Variants in CRLF3 observed in about 807,000 individuals in gnomAD.
CRLF3 encodes cytokine receptor like factor 3.
Under a neutral mutation model 55.0 loss-of-function variants are expected in CRLF3, and 33 were observed. That is an observed-to-expected ratio of 0.60 (90% CI 0.46 to 0.80). The LOEUF is 0.80. Ranked by LOEUF, CRLF3 falls within the 30% of genes least tolerant of loss-of-function variation. The pLI is 0.00. For missense variants in CRLF3, 494 were observed against 538.4 expected (o/e 0.92, Z 0.82); for synonymous variants, 238 against 196.8 (o/e 1.21, Z -1.75).
intron 2 of CRLF3, 103 bp downstream of exon 2, chr17:30,803,798 T>C: frequency 1.1e-6 from 1 of 893,972 alleles, no homozygotes; most frequent in Non-Finnish European, 1.8e-6. Flanking sequence ...TGTAAGTTCA[T>C]TAAACCTCTT....
At chr17:30,793,375 G>A in intron 5 of CRLF3, 75 bp downstream of exon 5, 1 of 1,118,490 alleles carries the variant, frequency 8.9e-7, no homozygotes, top group African/African-American at 1.5e-5. Flanking sequence ...GGTTGTCAGT[G>A]TGCTGCCCTT....
At chr17:30,794,843 TATAAA>T (rs1181470308) in intron 4 of CRLF3, among the ~76,000 whole-genome samples, 1 of 151,976 alleles carries the variant, frequency 6.6e-6, no homozygotes, top group Non-Finnish European at 1.5e-5. Context: ...TAGGCAAAAA[TATAAA>T]GTCTCACAAT....
intron 2 of CRLF3, among the ~76,000 whole-genome samples, chr17:30,797,601 G>A (rs1255115815): frequency 6.6e-6 from 1 of 151,976 alleles, no homozygotes; most frequent in Non-Finnish European, 1.5e-5. Context: ...GATATACAGT[G>A]GCAACATTTT....
chr17:30,820,333 C>T (rs1567669953), intron 1 of CRLF3, among the ~76,000 whole-genome samples: 5 of 152,304 alleles, frequency 3.3e-5, no homozygotes, highest in East Asian at 1.9e-4. Flanking sequence ...GTTCATACAA[C>T]ATGATTTCTC....
chr17:30,814,264 T>A lies in CRLF3; in HGVS notation c.130-10156A>T, dbSNP rs1300990770. On this transcript the variant is annotated intron_variant, in intron 1 of 7. Coordinates refer to ENST00000324238, the MANE Select transcript of CRLF3 (RefSeq NM_015986.4). ...AGAGCAAGACTCCGTCTCGAAAAAA[T>A]AATAATAATAGTAATAACAATAAAA... Among the ~76,000 whole-genome samples, 5 of 138,274 alleles carry A rather than the reference T, an allele frequency of 3.6e-5. No individual in the cohort carries two copies. The East Asian group carries it at 6.9e-4, about 19-fold the overall frequency. 90.7% of individuals were successfully genotyped at this position (138,274 alleles called of 152,430 possible). A position where few individuals can be genotyped will look rare whatever the true frequency, so the allele number is the denominator to read the frequency against.
intron 7 of CRLF3, chr17:30,784,755 AC>A: frequency 4.5e-6 from 1 of 221,192 alleles, no homozygotes; most frequent in South Asian, 8.0e-5. Context: ...ACTCACCAAC[AC>A]AATTTTTTTT....
At chr17:30,806,552 A>G (rs763111777) in intron 1 of CRLF3, among the ~76,000 whole-genome samples, 2 of 152,142 alleles carry the variant, frequency 1.3e-5, no homozygotes, top group East Asian at 3.8e-4. Flanking sequence ...CCCTAAATCT[A>G]CTGATCTCAG....
rs572945703 is a variant in CRLF3, at chr17:30,784,226, G to A, written c.1290C>T (p.Cys430=). 2.5e-6 allele frequency: 4 copies of A among 1,613,868 alleles called. No individual in the cohort carries two copies. The highest frequency in any genetic ancestry group is 2.2e-5 in the East Asian group (1 of 44,864). ...DQSCGSLYFG[C]SFFYPGWKVL... Reference sequence around the variant, plus strand: ...CTTTCCATCCAGGATAGAAAAATGAGCATCCAAAGTAAAGAGAACCACAAG... The same window carrying A: ...CTTTCCATCCAGGATAGAAAAATGAACATCCAAAGTAAAGAGAACCACAAG... The change falls in exon 8 of 8, where the codon TGC becomes TGT. Residue 430 remains cysteine (C), a synonymous_variant. Transcript: ENST00000324238.
intron 2 of CRLF3, among the ~76,000 whole-genome samples, chr17:30,798,164 G>A (rs1436373736): frequency 1.3e-5 from 2 of 152,078 alleles, no homozygotes; most frequent in Non-Finnish European, 2.9e-5. Context: ...TGGATCACGA[G>A]GTCAGGAGAT....
intron 7 of CRLF3, 117 bp downstream of exon 7, chr17:30,785,797 GAAAAA>G (rs1971631088): frequency 2.1e-6 from 1 of 474,718 alleles, no homozygotes; most frequent in Non-Finnish European, 3.6e-6. Context: ...AAAAAAAAAA[GAAAAA>G]GAAAAATACC....
At chr17:30,820,668 T>C (rs1159251179) in intron 1 of CRLF3, among the ~76,000 whole-genome samples, 1 of 151,932 alleles carries the variant, frequency 6.6e-6, no homozygotes, top group Admixed American at 6.6e-5. Flanking sequence ...GGCAGACGCC[T>C]GTAATCCTGG....
rs564781460 is a variant in CRLF3 at position 30,813,947 on chromosome 17, G to C, written c.130-9839C>G. On this transcript the variant is annotated intron_variant, in intron 1 of 7. Coordinates refer to ENST00000324238, the MANE Select transcript of CRLF3 (RefSeq NM_015986.4). ...TAGCTGCAAATATTAGTGACTCACT[G>C]ATAGCCCTCAATAATAAAAAAAGGC... Among the ~76,000 whole-genome samples, 4 of 152,232 alleles carry C rather than the reference G, an allele frequency of 2.6e-5. No individual in the cohort carries two copies. In the South Asian group the frequency reaches 8.3e-4, roughly 32 times the overall value.
intron 7 of CRLF3, 77 bp from the exon 8 acceptor site, chr17:30,784,520 AAC>A (rs1361024844): frequency 2.2e-5 from 27 of 1,237,734 alleles, no homozygotes; most frequent in Middle Eastern, 5.0e-4. Flanking sequence ...GATTACTGGT[AAC>A]ACAGCTCATT....
rs753669883 is a variant in CRLF3, at chr17:30,797,262, C to T, written c.425+49G>A. 8.7e-6 allele frequency: 11 copies of T among 1,261,622 alleles called. No homozygotes were observed. The South Asian group carries it at 1.2e-4, about 14-fold the overall frequency. 78.2% of individuals were successfully genotyped at this position (1,261,622 alleles called of 1,614,324 possible). ...TGAACAGAGGGAGGAAAAAAGCAGA[C>T]ATAGTTTAAATGCTTAAAAGTAAGT... On this transcript the variant is annotated intron_variant, in intron 3 of 7. Coordinates refer to ENST00000324238, the MANE Select transcript of CRLF3 (RefSeq NM_015986.4).
chr17:30,795,843 G>A (rs1971908524), intron 4 of CRLF3, among the ~76,000 whole-genome samples: 2 of 152,140 alleles, frequency 1.3e-5, no homozygotes, highest in Admixed American at 1.3e-4. Context: ...GGCCGAAGCA[G>A]GAGAATGGCT....
intron 1 of CRLF3, among the ~76,000 whole-genome samples, chr17:30,823,878 C>G (rs1204753170): frequency 6.6e-6 from 1 of 152,170 alleles, no homozygotes; most frequent in Non-Finnish European, 1.5e-5. Flanking sequence ...CATTTTCCTT[C>G]TGCTCTTCCA....
At chr17:30,812,762 C>A (rs975763163) in intron 1 of CRLF3, among the ~76,000 whole-genome samples, 1 of 152,086 alleles carries the variant, frequency 6.6e-6, no homozygotes, top group Non-Finnish European at 1.5e-5. Context: ...AGTTCCAGGC[C>A]TCATCCTTCA....
chr17:30,821,854 A>C lies in CRLF3; in HGVS notation c.129+2669T>G, dbSNP rs113557590. Among the ~76,000 whole-genome samples the C allele has an allele frequency of 9.5e-3, 1,447 of 152,212 alleles. 24 individuals are homozygous for C. Among genetic ancestry groups the C allele is most frequent in the Middle Eastern group, 0.044 (13 of 294 alleles). ...TGGTGATGGTTGGACAACTCTATGA[A>C]TATACTAAAAACCACTGAATTGTAA... On this transcript the variant is annotated intron_variant, in intron 1 of 7. Coordinates refer to ENST00000324238, the MANE Select transcript of CRLF3 (RefSeq NM_015986.4).
chr17:30,783,992 T>C lies in CRLF3; in HGVS notation c.*195A>G, dbSNP rs1567655228. The C allele has an allele frequency of 9.4e-6, 5 of 534,334 alleles. No homozygotes were observed. The South Asian group carries it at 1.1e-4, about 12-fold the overall frequency. The allele number at this position is 534,334 out of a possible 1,614,324, so 33.1% of individuals were successfully genotyped here. On this transcript the variant is annotated 3_prime_UTR_variant, in exon 8 of 8. Transcript: ENST00000324238. ...ATTTAACAGTATGCTAAAAATAAAA[T>C]TGACTGAATTGTATGATTTTGTCCA...
Sources: allele counts gnomAD v4.1 joint callset (sites outside exome capture counted in the v4.1 genomes callset), GRCh38; gene constraint gnomAD v4.1.1; transcripts MANE v1.5; gene names NCBI Gene and HGNC (gene_info 2026-07-23, HGNC 2026-07-21).